Variants in TYW1 observed in about 807,000 individuals in gnomAD.
TYW1 encodes tRNA-yW synthesizing protein 1 homolog, also known as S-adenosyl-L-methionine-dependent tRNA 4-demethylwyosine synthase TYW1.
TYW1 carries 46 observed loss-of-function variants against 96.2 expected under a neutral mutation model. The observed-to-expected ratio is 0.48, with a 90% CI of 0.38 to 0.61. The LOEUF (loss-of-function observed/expected upper bound fraction) is 0.61. Among genes scored for constraint, TYW1 ranks in the 20% least tolerant of loss-of-function variants. TYW1 has a pLI of 0.00. For missense variants in TYW1, 684 were observed against 909.6 expected (o/e 0.75, Z 3.19); for synonymous variants, 274 against 323.0 (o/e 0.85, Z 1.63).
intron 10 of TYW1, among the ~76,000 whole-genome samples, chr7:67,081,418 C>CTT (rs751694320): frequency 4.6e-5 from 6 of 129,478 alleles, no homozygotes; most frequent in South Asian, 2.5e-4. Flanking sequence ...CTCAAGGTGG[C>CTT]TTTTTTTTTT....
At chr7:67,001,288 A>G (rs956180669) in intron 3 of TYW1, among the ~76,000 whole-genome samples, 4 of 152,134 alleles carry the variant, frequency 2.6e-5, no homozygotes, top group Admixed American at 6.5e-5. Context: ...TAGTTTATAC[A>G]AACAGCCCTC....
intron 13 of TYW1, among the ~76,000 whole-genome samples, chr7:67,134,654 A>G (rs1798187091): frequency 6.6e-6 from 1 of 151,970 alleles, no homozygotes; most frequent in African/African-American, 2.4e-5. Flanking sequence ...CTGCTAGGCC[A>G]GGAAGCGGAA....
chr7:67,014,415 G>A lies in TYW1; in HGVS notation c.424G>A (p.Gly142Ser), dbSNP rs756613182. Residue 142 changes from glycine to serine, a missense_variant, in exon 5 of 16, where the codon GGC becomes AGC. Coordinates refer to ENST00000359626, the MANE Select transcript of TYW1 (RefSeq NM_018264.4). ...CTTCCTGGTTGCGACATACACTGAC[G>A]GCCTACCAACTGAAAGTGCAGAGTG... ...CVFLVATYTD[G>S]LPTESAEWFC... 9 of 1,613,698 alleles carry A rather than the reference G, an allele frequency of 5.6e-6. No individual in the cohort carries two copies. The highest frequency in any genetic ancestry group is 1.3e-5 in the African/African-American group (1 of 75,016).
intron 13 of TYW1, among the ~76,000 whole-genome samples, chr7:67,153,795 C>T (rs1798878754): frequency 1.3e-5 from 2 of 152,124 alleles, no homozygotes; most frequent in African/African-American, 4.8e-5. Context: ...ATACTGCCTA[C>T]AAGTTGCTTT....
In TYW1 at chr7:67,007,130, G is replaced by T. The variant is rs150584473; in HGVS notation, c.274-2453G>T. On this transcript the variant is annotated intron_variant, in intron 3 of 15. Coordinates refer to ENST00000359626, the MANE Select transcript of TYW1 (RefSeq NM_018264.4). ...TGAAAGGAAAGCTTTAGCCTCTGAT[G>T]GGCTGTGGGCTAATTCTTTATTTGC... Among the ~76,000 whole-genome samples, 384 of 151,922 alleles carry T rather than the reference G, an allele frequency of 2.5e-3. 3 individuals are homozygous for T. The East Asian group carries it at 0.026, about 10-fold the overall frequency.
chr7:67,054,742 A>G (rs1457374401), intron 8 of TYW1, among the ~76,000 whole-genome samples: 1 of 152,210 alleles, frequency 6.6e-6, no homozygotes. Flanking sequence ...GACTCATGAT[A>G]ATTGTGGCTT....
chr7:67,068,082 C>T (rs13233281), intron 10 of TYW1, among the ~76,000 whole-genome samples: 9,631 of 149,082 alleles, frequency 0.065, 423 homozygotes, highest in South Asian at 0.11. Flanking sequence ...AGGGCAATGG[C>T]GTCATCTTGG....
intron 12 of TYW1, among the ~76,000 whole-genome samples, chr7:67,110,083 G>C (rs1031142956): frequency 6.6e-6 from 1 of 152,094 alleles, no homozygotes; most frequent in Non-Finnish European, 1.5e-5. Context: ...AAGTTTGTCT[G>C]GTGCAAAAAG....
At chr7:67,091,053 C>T (rs978724967) in intron 11 of TYW1, among the ~76,000 whole-genome samples, 20 of 152,116 alleles carry the variant, frequency 1.3e-4, no homozygotes, top group African/African-American at 4.1e-4. Flanking sequence ...ACCCAGCCAT[C>T]CCATTACTGG....
At chr7:67,154,213 C>T (rs753151902) in intron 13 of TYW1, among the ~76,000 whole-genome samples, 1 of 152,116 alleles carries the variant, frequency 6.6e-6, no homozygotes, top group Admixed American at 6.6e-5. Flanking sequence ...TGAGCCACCG[C>T]GCCTGGCCCA....
chr7:67,227,995 C>T lies in TYW1; in HGVS notation c.1978-10313C>T, dbSNP rs191543727. Among the ~76,000 whole-genome samples, 539 of 152,280 alleles carry T rather than the reference C, an allele frequency of 3.5e-3. 6 individuals carry two copies. The highest frequency in any genetic ancestry group is 0.023 in the Admixed American group (359 of 15,286). ...TAAATCTGGAGGTGGTCTTGCGGGC[C>T]GCTGAACTTTGCACTGGTGAATGTG... is the stretch of plus-strand genomic sequence containing the variant. On this transcript the variant is annotated intron_variant, in intron 15 of 15. Transcript: ENST00000359626.
chr7:67,223,149 T>G (rs1584715763), intron 15 of TYW1, among the ~76,000 whole-genome samples: 1 of 152,350 alleles, frequency 6.6e-6, no homozygotes, highest in Middle Eastern at 3.4e-3. Flanking sequence ...AAAGTCTGTT[T>G]CTAGTGGATC....
intron 13 of TYW1, among the ~76,000 whole-genome samples, chr7:67,182,565 A>G (rs540572078): frequency 6.6e-6 from 1 of 152,266 alleles, no homozygotes; most frequent in South Asian, 2.1e-4. Flanking sequence ...TCTCTAAAAA[A>G]ATAAAGAAGA....
chr7:67,052,584 A>G (rs1279853732), intron 8 of TYW1, among the ~76,000 whole-genome samples: 1 of 152,122 alleles, frequency 6.6e-6, no homozygotes, highest in African/African-American at 2.4e-5. Flanking sequence ...CTAATCTGCT[A>G]ATGTCTTTGT....
At chr7:67,164,978 A>G (rs1799276630) in intron 13 of TYW1, among the ~76,000 whole-genome samples, 1 of 146,824 alleles carries the variant, frequency 6.8e-6, no homozygotes, top group South Asian at 2.2e-4. Flanking sequence ...TAGAAATGCA[A>G]TTACTAGGTC....
chr7:67,037,309 C>T (rs965016516), intron 7 of TYW1, among the ~76,000 whole-genome samples: 3 of 152,026 alleles, frequency 2.0e-5, no homozygotes, highest in African/African-American at 7.2e-5. Context: ...GGAGACCAGC[C>T]TGACCACCAT....
intron 8 of TYW1, among the ~76,000 whole-genome samples, chr7:67,051,277 C>A (rs1456945288): frequency 2.0e-5 from 3 of 152,048 alleles, no homozygotes; most frequent in Admixed American, 2.0e-4. Context: ...CTTTCTTAAC[C>A]CATATGTAAT....
chr7:67,193,951 G>C (rs1231977947), intron 14 of TYW1, among the ~76,000 whole-genome samples: 1 of 151,870 alleles, frequency 6.6e-6, no homozygotes, highest in Non-Finnish European at 1.5e-5. Flanking sequence ...AATCATTTCT[G>C]GGATTTTCTC....
chr7:67,139,429 A>G (rs1422606924), intron 13 of TYW1, among the ~76,000 whole-genome samples: 1 of 152,166 alleles, frequency 6.6e-6, no homozygotes, highest in African/African-American at 2.4e-5. Context: ...ATGTACACAC[A>G]TGTGTATGCA....
Sources: gnomAD v4.1 joint callset for allele counts (sites outside exome capture counted in the v4.1 genomes callset) on GRCh38, gnomAD v4.1.1 for gene constraint, MANE v1.5 for transcripts, NCBI Gene and HGNC (gene_info 2026-07-23, HGNC 2026-07-21) for gene names.